Variants in PTBP3 observed in about 807,000 individuals in gnomAD.
PTBP3 encodes the protein polypyrimidine tract-binding protein 3.
PTBP3 carries 20 observed loss-of-function variants against 58.7 expected under a neutral mutation model. The observed-to-expected ratio is 0.34, with a 90% CI of 0.24 to 0.50. The LOEUF (loss-of-function observed/expected upper bound fraction) is 0.50. PTBP3 is among the 20% of genes least tolerant of loss of function. The pLI is 0.98. For missense variants in PTBP3, 509 were observed against 637.2 expected (o/e 0.80, Z 2.17); for synonymous variants, 185 against 219.8 (o/e 0.84, Z 1.40).
At chr9:112,323,106 G>C (rs1027475041) in intron 1 of PTBP3, among the ~76,000 whole-genome samples, 8 of 152,214 alleles carry the variant, frequency 5.3e-5, no homozygotes, top group African/African-American at 1.4e-4. Flanking sequence ...TTTAAAATTA[G>C]CCGGGCATGG....
At chr9:112,265,104 A>G (rs922037193) in intron 4 of PTBP3, among the ~76,000 whole-genome samples, 2 of 152,214 alleles carry the variant, frequency 1.3e-5, no homozygotes, top group African/African-American at 2.4e-5. Flanking sequence ...GGGGGACAGG[A>G]GTTACCAAAA....
At chr9:112,277,882 GTAACATAACATAACATAACA>G (rs57476799) in intron 2 of PTBP3, among the ~76,000 whole-genome samples, 4,185 of 130,118 alleles carry the variant, frequency 0.032, 88 homozygotes, top group South Asian at 0.04. Context: ...TCAAAATAAC[GTAACATAACATAACATAACA>G]TAACATAACA....
At chr9:112,368,198 C>A in the PTBP3 span, among the ~76,000 whole-genome samples, 1 of 151,880 alleles carries the variant, frequency 6.6e-6, no homozygotes, top group Non-Finnish European at 1.5e-5. Context: ...TGAGACAGAG[C>A]GTCATTCTGT....
the PTBP3 span, among the ~76,000 whole-genome samples, chr9:112,373,090 C>G: frequency 0.01 from 1,589 of 152,014 alleles, 66 homozygotes; most frequent in East Asian, 0.081. Flanking sequence ...TAGAGACAGG[C>G]TTTCACCGTG....
At chr9:112,318,294 GTAA>G (rs1016537040) in intron 1 of PTBP3, among the ~76,000 whole-genome samples, 2 of 152,042 alleles carry the variant, frequency 1.3e-5, no homozygotes. Context: ...CCAAAAAAAG[GTAA>G]TAAGTAAGTT....
chr9:112,327,200 C>G (rs1467865617), intron 1 of PTBP3, among the ~76,000 whole-genome samples: 1 of 150,902 alleles, frequency 6.6e-6, no homozygotes. Context: ...GAGGTAGAGC[C>G]TGCCTTCAAA....
the PTBP3 span, among the ~76,000 whole-genome samples, chr9:112,345,725 C>G: frequency 6.6e-6 from 1 of 152,084 alleles, no homozygotes; most frequent in African/African-American, 2.4e-5. Context: ...TAAATGACTT[C>G]TAGAATAGCT....
the PTBP3 span, among the ~76,000 whole-genome samples, chr9:112,374,583 C>G: frequency 6.6e-6 from 1 of 152,210 alleles, no homozygotes; most frequent in African/African-American, 2.4e-5. Context: ...AAAGGCCATT[C>G]CACTGTTCTA....
At chr9:112,248,816 GA>G (rs879633273) in intron 7 of PTBP3, among the ~76,000 whole-genome samples, 5 of 152,132 alleles carry the variant, frequency 3.3e-5, no homozygotes, top group African/African-American at 4.8e-5. Context: ...CAGCAGGAAA[GA>G]ATGTTCATAG....
At chr9:112,288,744 T>G (rs1161358671) in intron 2 of PTBP3, among the ~76,000 whole-genome samples, 1 of 152,214 alleles carries the variant, frequency 6.6e-6, no homozygotes, top group East Asian at 1.9e-4. Context: ...AGACTGCAGG[T>G]GAGTTTTCTT....
chr9:112,377,227 G>C, the PTBP3 span, among the ~76,000 whole-genome samples: 1 of 152,204 alleles, frequency 6.6e-6, no homozygotes, highest in Non-Finnish European at 1.5e-5. Flanking sequence ...AATTAGCCAG[G>C]TGTGGTGGCA....
chr9:112,331,116 CACACACACACG>C (rs1255617605), intron 1 of PTBP3, among the ~76,000 whole-genome samples: 2 of 150,864 alleles, frequency 1.3e-5, no homozygotes, highest in East Asian at 2.0e-4. Flanking sequence ...CACACACACA[CACACACACACG>C]AGAGACAGTT....
At chr9:112,290,689 T>A (rs11790838) in intron 2 of PTBP3, among the ~76,000 whole-genome samples, 46,443 of 110,514 alleles carry the variant, frequency 0.42, 9,710 homozygotes, top group African/African-American at 0.47. Flanking sequence ...AAAAAAAAAA[T>A]ATATATATAT....
At chr9:112,245,868 A>G (rs1294831657) in intron 7 of PTBP3, among the ~76,000 whole-genome samples, 4 of 152,234 alleles carry the variant, frequency 2.6e-5, no homozygotes, top group East Asian at 1.9e-4. Context: ...GTAGAATAAA[A>G]TAAGAATCTA....
At chr9:112,235,539 G>C (rs1326864443) in intron 7 of PTBP3, among the ~76,000 whole-genome samples, 1 of 152,126 alleles carries the variant, frequency 6.6e-6, no homozygotes, top group African/African-American at 2.4e-5. Flanking sequence ...CAACAAAAAC[G>C]GGAGTTCCAA....
chr9:112,326,025 C>CAAAA (rs1830143391), intron 1 of PTBP3, among the ~76,000 whole-genome samples: 1 of 151,538 alleles, frequency 6.6e-6, no homozygotes, highest in South Asian at 2.1e-4. Context: ...CTCAAACAAA[C>CAAAA]AAAACAGGTA....
intron 7 of PTBP3, among the ~76,000 whole-genome samples, chr9:112,244,289 C>CAAGAAAAAAAAAAAAAAAAAAAAA (rs1835783800): frequency 2.8e-5 from 1 of 36,318 alleles, no homozygotes. Flanking sequence ...GACTCTGTCT[C>CAAGAAAAAAAAAAAAAAAAAAAAA]AAAAAAAAAA....
chr9:112,363,739 CA>C, the PTBP3 span, among the ~76,000 whole-genome samples: 1 of 152,096 alleles, frequency 6.6e-6, no homozygotes, highest in African/African-American at 2.4e-5. Flanking sequence ...GCTAGATTCA[CA>C]GAAAAATTGA....
intron 2 of PTBP3, among the ~76,000 whole-genome samples, chr9:112,293,055 G>A (rs568149281): frequency 1.2e-4 from 18 of 150,712 alleles, no homozygotes; most frequent in East Asian, 5.9e-4. Flanking sequence ...TGAGAAGAAC[G>A]AAAGGGATTG....
Sources: gnomAD v4.1 joint callset for allele counts (sites outside exome capture counted in the v4.1 genomes callset) on GRCh38, gnomAD v4.1.1 for gene constraint, MANE v1.5 for transcripts, NCBI Gene and HGNC (gene_info 2026-07-23, HGNC 2026-07-21) for gene names.